The following ADCK1 variants were observed in gnomAD, a reference collection of about 807,000 sequenced individuals.
ADCK1 encodes the protein aarF domain-containing protein kinase 1.
ADCK1 carries 41 observed loss-of-function variants against 52.3 expected under a neutral mutation model. The ratio of observed to expected loss-of-function variants is 0.78; its 90% CI spans 0.61 to 1.02. The LOEUF is 1.02. Ranked by LOEUF, ADCK1 falls within the 50% of genes least tolerant of loss-of-function variation. The probability of loss-of-function intolerance (pLI) is 0.00; values close to 1 mark genes in which losing one functional copy is unlikely to be tolerated. For missense variants in ADCK1, 658 were observed against 679.5 expected, an observed-to-expected ratio of 0.97 and a Z score of 0.35; for synonymous variants, 250 against 274.6, an observed-to-expected ratio of 0.91 and a Z score of 0.89.
At chr14:77,820,519 A>G (rs2081557534) in intron 2 of ADCK1, among the ~76,000 whole-genome samples, 1 of 151,296 alleles carries the variant, frequency 6.6e-6, no homozygotes, top group East Asian at 2.0e-4. Flanking sequence ...TTTTGTAGAG[A>G]TAGGGTTTCG....
chr14:77,931,576 A>G lies in ADCK1; in HGVS notation c.1265A>G (p.Asn422Ser), dbSNP rs2084337240. Reference protein sequence around the residue: ...NYLPQISHLLNHVPRQMLLIL... With the variant: ...NYLPQISHLLSHVPRQMLLIL... ...CTCCCCCAGATCAGCCATCTCCTCA[A>G]CCACGTGCCGCGCCAGATGCTGCTC... Residue 422 changes from asparagine to serine, a missense_variant, in exon 10 of 11, where the codon AAC becomes AGC. By Grantham distance (46) the Asn-to-Ser change is conservative (BLOSUM62 1). Coordinates refer to ENST00000238561, the MANE Select transcript of ADCK1 (RefSeq NM_020421.4). The G allele has an allele frequency of 6.2e-7, 1 of 1,614,030 alleles. No homozygotes were observed. The highest frequency in any genetic ancestry group is 8.5e-7 in the Non-Finnish European group (1 of 1,180,020).
At chr14:77,829,607 G>A (rs1476183625) in intron 3 of ADCK1, among the ~76,000 whole-genome samples, 1 of 151,328 alleles carries the variant, frequency 6.6e-6, no homozygotes, top group Non-Finnish European at 1.5e-5. Flanking sequence ...AAAAAACTAT[G>A]AAATGATGCT....
chr14:77,886,918 ACACACACACAC>A (rs781721950), intron 4 of ADCK1, among the ~76,000 whole-genome samples, 162 bp from the exon 5 acceptor site: 57,700 of 133,466 alleles, frequency 0.43, 11,747 homozygotes, highest in Admixed American at 0.55. Flanking sequence ...ACACACACAC[ACACACACACAC>A]ACACACACAC....
At chr14:77,855,380 A>C (rs2082396549) in intron 3 of ADCK1, among the ~76,000 whole-genome samples, 2 of 152,240 alleles carry the variant, frequency 1.3e-5, no homozygotes, top group African/African-American at 4.8e-5. Flanking sequence ...TGAAGACTGA[A>C]GTAGGGGAAG....
Position 77,887,210 on chromosome 14 carries a change from G to GGT in ADCK1, c.545_546dup (p.Arg183CysfsTer11), listed in dbSNP as rs2083176939. 6.2e-7 allele frequency: 1 copy of GGT among 1,607,894 alleles called. No homozygotes were observed. Among genetic ancestry groups the GGT allele is most frequent in the Admixed American group, 1.7e-5 (1 of 59,296 alleles). On this transcript the variant is annotated frameshift_variant, in exon 5 of 11. Coordinates refer to ENST00000238561, the MANE Select transcript of ADCK1 (RefSeq NM_020421.4). LOFTEE classifies it high-confidence loss of function. ...TGGCCGTGAAGGTCCAGCACCCAAA[G>GGT]GTGCGGGCTCAGAGCTCGAAGGACA...
At chr14:77,834,836 G>A (rs2886166) in intron 3 of ADCK1, among the ~76,000 whole-genome samples, 58,567 of 152,018 alleles carry the variant, frequency 0.39, 12,061 homozygotes, top group Admixed American at 0.51. Context: ...CCACAGAGAA[G>A]GTCCTGCATT....
chr14:77,834,867 C>T (rs2081929258), intron 3 of ADCK1, among the ~76,000 whole-genome samples: 1 of 152,246 alleles, frequency 6.6e-6, no homozygotes, highest in Non-Finnish European at 1.5e-5. Flanking sequence ...ACACTTCTAA[C>T]AAGGCCCTCT....
At chr14:77,873,058 C>G (rs770884478) in intron 4 of ADCK1, among the ~76,000 whole-genome samples, 2 of 152,032 alleles carry the variant, frequency 1.3e-5, no homozygotes, top group African/African-American at 2.4e-5. Flanking sequence ...TGGGTAAGTT[C>G]TTTGGTGGTG....
chr14:77,912,056 T>C (rs537531589), intron 7 of ADCK1, among the ~76,000 whole-genome samples: 64 of 152,362 alleles, frequency 4.2e-4, no homozygotes, highest in Non-Finnish European at 7.8e-4. Context: ...GCACCCATTA[T>C]TGAACTTCAC....
chr14:77,911,181 A>G (rs2083782731), intron 7 of ADCK1, among the ~76,000 whole-genome samples: 1 of 152,216 alleles, frequency 6.6e-6, no homozygotes, highest in South Asian at 2.1e-4. Flanking sequence ...TGAGAAAGCA[A>G]ATGCTCAGAG....
chr14:77,804,732 G>C (rs2081183252), intron 1 of ADCK1, among the ~76,000 whole-genome samples: 1 of 152,186 alleles, frequency 6.6e-6, no homozygotes, highest in African/African-American at 2.4e-5. Context: ...GCTGTAGTTT[G>C]TCCATTCATT....
chr14:77,808,441 C>T (rs1007508759), intron 1 of ADCK1, among the ~76,000 whole-genome samples: 1 of 152,144 alleles, frequency 6.6e-6, no homozygotes, highest in African/African-American at 2.4e-5. Flanking sequence ...GGATCAATCA[C>T]ATTGAGGAAC....
At chr14:77,808,636 CGTGAT>C (rs2081277428) in intron 1 of ADCK1, among the ~76,000 whole-genome samples, 1 of 152,182 alleles carries the variant, frequency 6.6e-6, no homozygotes. Context: ...AGTGCAATGG[CGTGAT>C]CTCAGCTCAC....
chr14:77,917,833 C>T (rs987872911), intron 7 of ADCK1, among the ~76,000 whole-genome samples: 3 of 151,926 alleles, frequency 2.0e-5, no homozygotes, highest in African/African-American at 7.3e-5. Context: ...AACATTTTGC[C>T]GGCTTCTGGG....
rs2084340223 is a variant in ADCK1, at chr14:77,931,633, T to C, written c.1322T>C (p.Ile441Thr). ...AAGACCAACGACCTGCTGCGTGGCATTGAGGCCGCCCTGGGCACCCGCGCC... is the reference window on the plus strand; with the variant it reads ...AAGACCAACGACCTGCTGCGTGGCACTGAGGCCGCCCTGGGCACCCGCGCC... ...ILKTNDLLRG[I>T]EAALGTRASA... The change falls in exon 10 of 11, where the codon ATT (isoleucine) becomes ACT (threonine). Residue 441 changes from isoleucine (I) to threonine (T), a missense_variant. Coordinates refer to ENST00000238561, the MANE Select transcript of ADCK1 (RefSeq NM_020421.4). 3.1e-6 allele frequency: 5 copies of C among 1,612,668 alleles called. No individual in the cohort carries two copies. Among genetic ancestry groups the C allele is most frequent in the Admixed American group, 1.7e-5 (1 of 60,008 alleles).
chr14:77,831,549 A>G (rs1468676699), intron 3 of ADCK1, among the ~76,000 whole-genome samples: 6 of 152,186 alleles, frequency 3.9e-5, no homozygotes, highest in Non-Finnish European at 8.8e-5. Flanking sequence ...TAAAATCTGC[A>G]CTTAGAGGCA....
In ADCK1 at chr14:77,817,985, G is replaced by T. The variant is rs190495997; in HGVS notation, c.-11-983G>T. 4.0e-5 allele frequency among the ~76,000 whole-genome samples: 6 copies of T among 151,694 alleles called. No homozygotes were observed. In the East Asian group the frequency reaches 1.2e-3, roughly 30 times the overall value. ...GATCTCCTGACCTTGTGATCTGCCC[G>T]CCTTGGCCTCCCAAAGTGCTGGGAT... On this transcript the variant is annotated intron_variant, in intron 1 of 10. Coordinates refer to ENST00000238561, the MANE Select transcript of ADCK1 (RefSeq NM_020421.4).
chr14:77,815,806 C>A (rs1308398886), intron 1 of ADCK1, among the ~76,000 whole-genome samples: 1 of 147,052 alleles, frequency 6.8e-6, no homozygotes, highest in Non-Finnish European at 1.5e-5. Context: ...TGTGAGCCAC[C>A]GCACCTGGCT....
At chr14:77,846,573 C>T (rs1341202470) in intron 3 of ADCK1, among the ~76,000 whole-genome samples, 3 of 152,144 alleles carry the variant, frequency 2.0e-5, no homozygotes, top group African/African-American at 7.2e-5. Context: ...TCTGTGATTC[C>T]ATATCCTGAC....
Sources: gnomAD v4.1 joint callset for allele counts (sites outside exome capture counted in the v4.1 genomes callset) on GRCh38, gnomAD v4.1.1 for gene constraint, MANE v1.5 for transcripts, NCBI Gene and HGNC (gene_info 2026-07-23, HGNC 2026-07-21) for gene names.